Variants in AKAP19 observed in about 807,000 individuals in gnomAD.
AKAP19 encodes small A-kinase anchoring protein.
chr2:190,054,331 A>T, the AKAP19 span, among the ~76,000 whole-genome samples: 1 of 152,200 alleles, frequency 6.6e-6, no homozygotes, highest in Non-Finnish European at 1.5e-5. Flanking sequence ...CCTTATACAA[A>T]AATTAATTCA....
At chr2:189,991,085 C>G in the AKAP19 span, among the ~76,000 whole-genome samples, 1 of 152,132 alleles carries the variant, frequency 6.6e-6, no homozygotes, top group Non-Finnish European at 1.5e-5. Context: ...TTTTCTTTAT[C>G]CACTCATTGG....
the AKAP19 span, among the ~76,000 whole-genome samples, chr2:190,182,935 TTAGA>T: frequency 6.6e-6 from 1 of 152,268 alleles, no homozygotes; most frequent in Non-Finnish European, 1.5e-5. Context: ...TTGCAGTTTG[TTAGA>T]TAGACGTTTT....
At chr2:189,974,936 T>C in the AKAP19 span, among the ~76,000 whole-genome samples, 2 of 152,214 alleles carry the variant, frequency 1.3e-5, no homozygotes, top group African/African-American at 4.8e-5. Context: ...CTTTATCCAA[T>C]TTGCCAGTCT....
chr2:190,083,150 G>A, the AKAP19 span, among the ~76,000 whole-genome samples: 12 of 152,268 alleles, frequency 7.9e-5, 1 homozygote, highest in Admixed American at 2.0e-4. Context: ...AGGCCAAGGC[G>A]GGTGGATCAC....
the AKAP19 span, chr2:190,079,970 G>A: frequency 1.3e-5 from 2 of 151,958 alleles, no homozygotes; most frequent in African/African-American, 4.8e-5. Context: ...GGACCTGCCA[G>A]CTGTTGGTGA....
At chr2:189,929,000 C>T in the AKAP19 span, among the ~76,000 whole-genome samples, 3 of 152,108 alleles carry the variant, frequency 2.0e-5, no homozygotes, top group South Asian at 6.2e-4. Flanking sequence ...ACCTCTAACA[C>T]TTCAGAAGCC....
At chr2:190,080,853 G>A in the AKAP19 span, among the ~76,000 whole-genome samples, 1 of 152,122 alleles carries the variant, frequency 6.6e-6, no homozygotes, top group Non-Finnish European at 1.5e-5. Context: ...TACTACTACA[G>A]CATTGAAGCA....
At chr2:189,916,478 T>A in the AKAP19 span, among the ~76,000 whole-genome samples, 1 of 151,848 alleles carries the variant, frequency 6.6e-6, no homozygotes, top group Non-Finnish European at 1.5e-5. Context: ...TGCACCACCA[T>A]GCCCAGCTAA....
the AKAP19 span, among the ~76,000 whole-genome samples, chr2:190,038,594 T>G: frequency 6.6e-6 from 1 of 152,196 alleles, no homozygotes; most frequent in Non-Finnish European, 1.5e-5. Context: ...CAGCCAAGTT[T>G]GATCCCCCAA....
chr2:189,921,464 G>T, the AKAP19 span, among the ~76,000 whole-genome samples: 1 of 152,152 alleles, frequency 6.6e-6, no homozygotes, highest in African/African-American at 2.4e-5. Flanking sequence ...AAGTGATGAA[G>T]ATCCCCAATA....
chr2:189,993,454 G>T, the AKAP19 span, among the ~76,000 whole-genome samples: 1 of 152,104 alleles, frequency 6.6e-6, no homozygotes, highest in Non-Finnish European at 1.5e-5. Context: ...ATATTGGTCT[G>T]TAGTTTTCTT....
At chr2:190,180,466 C>A in the AKAP19 span, 5 of 985,354 alleles carry the variant, frequency 5.1e-6, no homozygotes, top group Non-Finnish European at 6.0e-6. The surrounding 1 kb of genome is among the most constrained non-coding windows in gnomAD (Gnocchi z 6.8). Flanking sequence ...CAGCGAAATG[C>A]CTCGCTGGCT....
chr2:190,129,446 C>T, the AKAP19 span, among the ~76,000 whole-genome samples: 1 of 152,252 alleles, frequency 6.6e-6, no homozygotes, highest in South Asian at 2.1e-4. Context: ...TAAATACTTG[C>T]CATGTGCCCT....
the AKAP19 span, among the ~76,000 whole-genome samples, chr2:190,182,295 C>T: frequency 1.2e-4 from 19 of 152,172 alleles, no homozygotes; most frequent in African/African-American, 4.6e-4. Context: ...CAACTGTGAA[C>T]TTAGAAACAA....
the AKAP19 span, among the ~76,000 whole-genome samples, chr2:189,918,153 C>T: frequency 5.3e-5 from 8 of 151,910 alleles, no homozygotes; most frequent in Admixed American, 1.3e-4. Context: ...CCCCAGGAGA[C>T]AATATTATAT....
At chr2:190,061,284 G>A in the AKAP19 span, among the ~76,000 whole-genome samples, 10 of 151,964 alleles carry the variant, frequency 6.6e-5, no homozygotes, top group South Asian at 6.2e-4. Context: ...AAGATAACAG[G>A]TAACACAAAA....
chr2:190,155,158 A>T, the AKAP19 span, among the ~76,000 whole-genome samples: 2 of 152,146 alleles, frequency 1.3e-5, no homozygotes, highest in Non-Finnish European at 2.9e-5. Context: ...CTTTTGCCCC[A>T]ATTACAGAAG....
the AKAP19 span, chr2:190,056,727 T>C: frequency 6.3e-6 from 1 of 157,882 alleles, no homozygotes; most frequent in Non-Finnish European, 1.4e-5. Context: ...ACTGTGTCAA[T>C]TATAATAGGA....
chr2:189,943,643 T>TGAACCTG, the AKAP19 span, among the ~76,000 whole-genome samples: 4 of 152,200 alleles, frequency 2.6e-5, no homozygotes, highest in African/African-American at 9.6e-5. Context: ...GCTTGCACCC[T>TGAACCTG]GAACCTGGAA....
Sources: allele counts gnomAD v4.1 joint callset (sites outside exome capture counted in the v4.1 genomes callset), GRCh38; gene constraint gnomAD v4.1.1; non-coding constraint Gnocchi (gnomAD v3.1); transcripts MANE v1.5; gene names NCBI Gene and HGNC (gene_info 2026-07-23, HGNC 2026-07-21).